Variants in PSME4 observed in about 807,000 individuals in gnomAD.
PSME4 encodes proteasome activator complex subunit 4.
Under a neutral mutation model 253.9 loss-of-function variants are expected in PSME4, and 89 were observed. That is an observed-to-expected ratio of 0.35 (90% confidence interval 0.30 to 0.42). The LOEUF is 0.42. PSME4 is among the 10% of genes least tolerant of loss of function. The probability of loss-of-function intolerance (pLI) is 1.00; values close to 1 mark genes in which losing one functional copy is unlikely to be tolerated. For synonymous variants in PSME4, 851 were observed against 759.2 expected, an observed-to-expected ratio of 1.12 and a Z score of -1.99; for missense variants, 2,014 against 2,195.2, an observed-to-expected ratio of 0.92 and a Z score of 1.65.
rs1285045954 is a variant in PSME4, at chr2:53,866,762, A to G, written c.5382T>C (p.Asp1794=). ...LLMNLSAHLN[D]PQPIEMTVKK... ...AGAACTGTACCTCAATAGGCTGAGG[A>G]TCATTTAGATGTGCACTGAGATTCA... The change falls in exon 45 of 47, where the codon GAT becomes GAC. Residue 1794 remains aspartate (D), a synonymous_variant. Coordinates refer to ENST00000404125, the MANE Select transcript of PSME4 (RefSeq NM_014614.3). 6.2e-7 allele frequency: 1 copy of G among 1,613,748 alleles called. No homozygotes were observed.
In PSME4 at chr2:53,887,484, T is replaced by TTTA; in HGVS notation, c.4521-18_4521-17insTAA. Reference sequence around the variant, plus strand: ...GTCAGCACACTGCAAAATAAAATACTTAATAATAGGAAGAGGTGCCACATT... The same window carrying TTTA: ...GTCAGCACACTGCAAAATAAAATACTTTATAATAATAGGAAGAGGTGCCACATT... On this transcript the variant is annotated splice_polypyrimidine_tract_variant and intron_variant, in intron 39 of 46. Transcript: ENST00000404125. The TTTA allele has an allele frequency of 6.3e-7, 1 of 1,587,338 alleles. No homozygotes were observed.
intron 10 of PSME4, 40 bp downstream of exon 10, chr2:53,931,795 A>G (rs745354077): frequency 1.9e-6 from 3 of 1,602,562 alleles, no homozygotes; most frequent in East Asian, 2.2e-5. Context: ...AGACCAAAAG[A>G]AAAACCTAGC....
chr2:53,942,106 C>A (rs1255192635), intron 3 of PSME4: 1 of 152,552 alleles, frequency 6.6e-6, no homozygotes, highest in East Asian at 1.9e-4. Flanking sequence ...AATATAAGGC[C>A]TGTACCATTG....
chr2:53,952,558 A>G (rs1670048365), intron 1 of PSME4, among the ~76,000 whole-genome samples: 1 of 152,058 alleles, frequency 6.6e-6, no homozygotes, highest in Non-Finnish European at 1.5e-5. Context: ...AACAAACAGA[A>G]AGATTCCAGA....
chr2:53,882,209 A>G (rs754157131), intron 41 of PSME4, among the ~76,000 whole-genome samples: 41 of 152,206 alleles, frequency 2.7e-4, no homozygotes, highest in Non-Finnish European at 5.6e-4. Context: ...TATAAAAAAT[A>G]TGTGCAAAGT....
chr2:53,873,814 T>G (rs1405728525), intron 43 of PSME4, among the ~76,000 whole-genome samples: 1 of 152,182 alleles, frequency 6.6e-6, no homozygotes, highest in Non-Finnish European at 1.5e-5. Context: ...TTTCTCATGG[T>G]TAAGAAAACT....
intron 17 of PSME4, 96 bp from the exon 18 acceptor site, chr2:53,921,200 T>C: frequency 6.6e-7 from 1 of 1,525,148 alleles, no homozygotes; most frequent in Non-Finnish European, 8.8e-7. Context: ...TAACCTAGTG[T>C]TTCTCTAAAT....
At chr2:53,890,932 CAGG>C (rs1679877369) in intron 36 of PSME4, among the ~76,000 whole-genome samples, 1 of 152,094 alleles carries the variant, frequency 6.6e-6, no homozygotes, top group African/African-American at 2.4e-5. Flanking sequence ...GAGGCTGAGG[CAGG>C]AGAATTGCTT....
chr2:53,933,782 A>T (rs1668972735), intron 8 of PSME4, among the ~76,000 whole-genome samples: 1 of 152,180 alleles, frequency 6.6e-6, no homozygotes, highest in Non-Finnish European at 1.5e-5. Context: ...TCACTATCCA[A>T]TTCTGTAGCC....
chr2:53,928,193 T>A lies in PSME4; in HGVS notation c.1427A>T (p.Glu476Val). 1 of 1,614,162 alleles carries A rather than the reference T, an allele frequency of 6.2e-7. No individual in the cohort carries two copies. The highest frequency in any genetic ancestry group is 8.5e-7 in the Non-Finnish European group (1 of 1,180,012). ...CAGAGGTAGCATATGTGTAGGACCTTCAGGAAACCATCTGCCTCCTGATAC... is the reference window on the plus strand; with the variant it reads ...CAGAGGTAGCATATGTGTAGGACCTACAGGAAACCATCTGCCTCCTGATAC... ...SLVSGGRWFP[E>V]GPTHMLPLLM... The change falls in exon 11 of 47, where the codon GAA becomes GTA. Residue 476 changes from glutamate to valine, a missense_variant. This residue lies in a region of PSME4 where 615 missense variants were observed against 594.4 expected (regional missense o/e 1.03). Coordinates refer to ENST00000404125, the MANE Select transcript of PSME4 (RefSeq NM_014614.3).
chr2:53,961,592 C>T (rs1330284035), intron 1 of PSME4, among the ~76,000 whole-genome samples: 1 of 152,160 alleles, frequency 6.6e-6, no homozygotes, highest in Non-Finnish European at 1.5e-5. Context: ...ATGGGAAGAT[C>T]GCTTGAGCCT....
intron 44 of PSME4, 33 bp downstream of exon 44, chr2:53,869,343 T>G: frequency 1.3e-6 from 2 of 1,553,166 alleles, no homozygotes; most frequent in South Asian, 2.4e-5. Context: ...TAATTCCCAA[T>G]AGGATACAGG....
intron 23 of PSME4, 34 bp downstream of exon 23, chr2:53,908,476 T>C (rs2104441485): frequency 6.2e-7 from 1 of 1,610,918 alleles, no homozygotes; most frequent in Non-Finnish European, 8.5e-7. Context: ...TTGATCGTAT[T>C]AATCATTATG....
chr2:53,959,890 A>G (rs1341946842), intron 1 of PSME4, among the ~76,000 whole-genome samples: 3 of 152,260 alleles, frequency 2.0e-5, no homozygotes, highest in Non-Finnish European at 4.4e-5. Flanking sequence ...CAAATAAGAC[A>G]GTCAGATATG....
rs1323517688 is a variant in PSME4 at position 53,885,792 on chromosome 2, G to T, written c.4730-17C>A. ...ATTTCAATACTATTTTGAAAACAAA[G>T]ATGCAGAGTAAGTCTTTGCCATTCA... On this transcript the variant is annotated splice_polypyrimidine_tract_variant and intron_variant, in intron 40 of 46. Transcript: ENST00000404125. 6.3e-7 allele frequency: 1 copy of T among 1,577,154 alleles called. No homozygotes were observed. The highest frequency in any genetic ancestry group is 8.7e-7 in the Non-Finnish European group (1 of 1,147,524).
intron 3 of PSME4, among the ~76,000 whole-genome samples, chr2:53,946,221 G>C (rs1252223500): frequency 1.3e-5 from 2 of 152,194 alleles, no homozygotes; most frequent in Non-Finnish European, 2.9e-5. Flanking sequence ...CAGGAAAGTA[G>C]GACGCTTGGT....
At position 53,901,274 on chromosome 2, in the gene PSME4, G is replaced by T. The variant is rs180685420; in HGVS notation, c.3285+76C>A. ...GCCAAGAATATTATTACTGGAAAAA[G>T]GGCAAGAAAAATAAAGGGCATTTTA... On this transcript the variant is annotated intron_variant, in intron 28 of 46. Coordinates refer to ENST00000404125, the MANE Select transcript of PSME4 (RefSeq NM_014614.3). 2.1e-5 allele frequency: 28 copies of T among 1,320,446 alleles called. No individual in the cohort carries two copies. In the Admixed American group the frequency reaches 3.0e-4, roughly 14 times the overall value. 81.8% of individuals were successfully genotyped at this position (1,320,446 alleles called of 1,614,324 possible). A position where few individuals can be genotyped will look rare whatever the true frequency, so the allele number is the denominator to read the frequency against.
chr2:53,870,010 C>G (rs966481108), intron 43 of PSME4: 1 of 152,360 alleles, frequency 6.6e-6, no homozygotes, highest in African/African-American at 2.4e-5. Context: ...ATTTCACAGG[C>G]TGCTGTCAGA....
chr2:53,927,334 A>C, intron 12 of PSME4, 60 bp downstream of exon 12: 1 of 1,174,780 alleles, frequency 8.5e-7, no homozygotes, highest in South Asian at 1.2e-5. Flanking sequence ...AAGTGTTACT[A>C]TGCATATGCA....
Sources: allele counts gnomAD v4.1 joint callset (sites outside exome capture counted in the v4.1 genomes callset), GRCh38; gene constraint gnomAD v4.1.1; regional missense constraint gnomAD v4.1.1; transcripts MANE v1.5; gene names NCBI Gene and HGNC (gene_info 2026-07-23, HGNC 2026-07-21).